Variants in OSBP2 observed in about 807,000 individuals in gnomAD.
OSBP2 encodes oxysterol binding protein 2.
A neutral mutation model predicts 96.0 loss-of-function variants in OSBP2; 66 were observed. The observed-to-expected ratio is 0.69, with a 90% CI of 0.56 to 0.84. The LOEUF (loss-of-function observed/expected upper bound fraction) is 0.84, where lower values mean the gene tolerates loss of function less well. Among genes scored for constraint, OSBP2 ranks in the 40% least tolerant of loss-of-function variants. The probability of loss-of-function intolerance (pLI) is 0.00; values close to 1 mark genes in which losing one functional copy is unlikely to be tolerated. For missense variants in OSBP2, 1,038 were observed against 1,222.7 expected, an observed-to-expected ratio of 0.85 and a Z score of 2.25; for synonymous variants, 525 against 520.9, an observed-to-expected ratio of 1.01 and a Z score of -0.11.
chr22:30,836,402 C>A (rs74770616), intron 2 of OSBP2, among the ~76,000 whole-genome samples: 10,115 of 152,224 alleles, frequency 0.066, 481 homozygotes, highest in Non-Finnish European at 0.095. Flanking sequence ...TACCCTTAGC[C>A]TCTGAATTCT....
chr22:30,860,607 C>T (rs1222981957), intron 2 of OSBP2, among the ~76,000 whole-genome samples: 1 of 152,228 alleles, frequency 6.6e-6, no homozygotes, highest in African/African-American at 2.4e-5. Context: ...AAGAACAGCC[C>T]TGTGGAAGTC....
intron 2 of OSBP2, among the ~76,000 whole-genome samples, chr22:30,843,873 A>ATT (rs760334311): frequency 1.4e-4 from 19 of 139,570 alleles, no homozygotes; most frequent in East Asian, 2.1e-4. Flanking sequence ...GTCTCAAACA[A>ATT]TTTTTTTTTT....
At chr22:30,892,218 C>A (rs767360815) in intron 8 of OSBP2, among the ~76,000 whole-genome samples, 2 of 152,018 alleles carry the variant, frequency 1.3e-5, no homozygotes, top group Non-Finnish European at 2.9e-5. Context: ...AGAGAGGCTG[C>A]AGAGCGTTTG....
chr22:30,753,378 A>T (rs1303298885), intron 2 of OSBP2, among the ~76,000 whole-genome samples: 1 of 152,028 alleles, frequency 6.6e-6, no homozygotes, highest in Non-Finnish European at 1.5e-5. Flanking sequence ...AAAAGGGTAG[A>T]TGTGTTCAGG....
intron 2 of OSBP2, among the ~76,000 whole-genome samples, chr22:30,821,034 T>G (rs1451312445): frequency 6.6e-6 from 1 of 152,222 alleles, no homozygotes; most frequent in African/African-American, 2.4e-5. Flanking sequence ...TTTGATCAAT[T>G]CCTTTGCTTG....
intron 1 of OSBP2, among the ~76,000 whole-genome samples, chr22:30,729,966 G>A (rs1433744467): frequency 6.6e-6 from 1 of 151,840 alleles, no homozygotes; most frequent in Non-Finnish European, 1.5e-5. Context: ...TGTTTTTTGG[G>A]GTTTTTTTTT....
chr22:30,840,966 A>G (rs1246108881), intron 2 of OSBP2, among the ~76,000 whole-genome samples: 1 of 152,060 alleles, frequency 6.6e-6, no homozygotes, highest in Non-Finnish European at 1.5e-5. Flanking sequence ...GGAGTTTAAG[A>G]CCAGTCTGGC....
chr22:30,888,413 T>A, intron 5 of OSBP2, 73 bp downstream of exon 5: 1 of 910,604 alleles, frequency 1.1e-6, no homozygotes, highest in South Asian at 1.3e-5. Flanking sequence ...TCACCAGCTA[T>A]CTAGTTGTCT....
chr22:30,814,381 C>T (rs566357570), intron 2 of OSBP2, among the ~76,000 whole-genome samples: 1 of 149,688 alleles, frequency 6.7e-6, no homozygotes, highest in East Asian at 2.0e-4. Context: ...TCCTCCTCTT[C>T]TTATGAAGAC....
chr22:30,859,033 C>T (rs1396438223), intron 2 of OSBP2, among the ~76,000 whole-genome samples: 1 of 152,034 alleles, frequency 6.6e-6, no homozygotes, highest in Non-Finnish European at 1.5e-5. Context: ...CAGCCCCTAC[C>T]CCTTCAGGGC....
chr22:30,699,537 T>G (rs1370839468), intron 1 of OSBP2, among the ~76,000 whole-genome samples: 2 of 152,222 alleles, frequency 1.3e-5, no homozygotes, highest in Admixed American at 1.3e-4. Context: ...GAAAAAGAGA[T>G]TCTGTGGATC....
chr22:30,827,126 C>T (rs530709975), intron 2 of OSBP2, among the ~76,000 whole-genome samples: 2 of 152,190 alleles, frequency 1.3e-5, no homozygotes, highest in South Asian at 2.1e-4. Context: ...TAGGTTTCAG[C>T]GAGGTGTCAG....
chr22:30,831,702 T>A (rs1405684040), intron 2 of OSBP2, among the ~76,000 whole-genome samples: 3 of 151,868 alleles, frequency 2.0e-5, no homozygotes, highest in Admixed American at 6.6e-5. Flanking sequence ...TTCTCTGGAG[T>A]TATCTAGTGG....
At chr22:30,741,729 G>C (rs1335885025) in intron 2 of OSBP2, among the ~76,000 whole-genome samples, 2 of 152,176 alleles carry the variant, frequency 1.3e-5, no homozygotes, top group African/African-American at 4.8e-5. Flanking sequence ...CCATCGTGGA[G>C]AGTGAAACCA....
chr22:30,737,777 A>G (rs1416116893), intron 1 of OSBP2, among the ~76,000 whole-genome samples: 2 of 151,268 alleles, frequency 1.3e-5, no homozygotes, highest in Non-Finnish European at 2.9e-5. Flanking sequence ...CAGTGGCACG[A>G]TCTCGGCTCA....
chr22:30,758,165 C>T (rs1890476942), intron 2 of OSBP2, among the ~76,000 whole-genome samples: 2 of 152,276 alleles, frequency 1.3e-5, no homozygotes, highest in South Asian at 4.1e-4. Flanking sequence ...ACTTTGGAAG[C>T]CTGAGGCAGG....
chr22:30,783,248 T>G (rs966875253), intron 2 of OSBP2, among the ~76,000 whole-genome samples: 16 of 143,816 alleles, frequency 1.1e-4, no homozygotes, highest in African/African-American at 3.9e-4. Flanking sequence ...CTGTTTTCAT[T>G]CCCCGAAGAC....
chr22:30,808,665 T>G (rs2090964505), intron 2 of OSBP2, among the ~76,000 whole-genome samples: 1 of 152,110 alleles, frequency 6.6e-6, no homozygotes. Context: ...GAGAGAAGTG[T>G]GGACTTATGC....
intron 2 of OSBP2, among the ~76,000 whole-genome samples, chr22:30,839,001 C>T (rs1164092621): frequency 9.1e-6 from 1 of 110,014 alleles, no homozygotes; most frequent in East Asian, 3.4e-4. Context: ...TTCCCCCCTC[C>T]CCCCACCCCA....
Sources: gnomAD v4.1 joint callset for allele counts (sites outside exome capture counted in the v4.1 genomes callset) on GRCh38, gnomAD v4.1.1 for gene constraint, MANE v1.5 for transcripts, NCBI Gene and HGNC (gene_info 2026-07-23, HGNC 2026-07-21) for gene names.